The following MECOM variants were observed in gnomAD, a reference collection of about 807,000 sequenced individuals.
The protein encoded by MECOM is MDS1 and EVI1 complex locus, also known as histone-lysine N-methyltransferase MECOM.
In MECOM, 13 loss-of-function variants were observed where a neutral mutation model predicts 116.3. The observed-to-expected ratio is 0.11, with a 90% CI of 0.07 to 0.18. The LOEUF is 0.18. Among genes scored for constraint, MECOM ranks in the 10% least tolerant of loss-of-function variants. MECOM has a pLI of 1.00. For synonymous variants in MECOM, 528 were observed against 535.2 expected, an observed-to-expected ratio of 0.99 and a Z score of 0.19; for missense variants, 1,299 against 1,509.0, an observed-to-expected ratio of 0.86 and a Z score of 2.31.
chr3:169,327,977 T>C (rs1485641353), intron 2 of MECOM, among the ~76,000 whole-genome samples: 1 of 152,206 alleles, frequency 6.6e-6, no homozygotes, highest in Non-Finnish European at 1.5e-5. Flanking sequence ...CTCTACTTCC[T>C]GAATCAAAAG....
At chr3:169,319,779 C>T (rs1301636654) in intron 2 of MECOM, among the ~76,000 whole-genome samples, 2 of 152,182 alleles carry the variant, frequency 1.3e-5, no homozygotes, top group African/African-American at 4.8e-5. Context: ...ATGATACCTA[C>T]TTCAGAGGGT....
At chr3:169,358,937 T>G (rs1408018531) in intron 2 of MECOM, among the ~76,000 whole-genome samples, 1 of 151,758 alleles carries the variant, frequency 6.6e-6, no homozygotes, top group Non-Finnish European at 1.5e-5. Flanking sequence ...AATTCTAACA[T>G]CCTACTGTGG....
At chr3:169,398,400 C>T (rs1735336754) in intron 1 of MECOM, among the ~76,000 whole-genome samples, 1 of 152,170 alleles carries the variant, frequency 6.6e-6, no homozygotes, top group African/African-American at 2.4e-5. Context: ...ACATATCATA[C>T]ACTTGTTCAT....
intron 1 of MECOM, among the ~76,000 whole-genome samples, chr3:169,594,174 A>AC (rs1553894680): frequency 0.018 from 2,281 of 125,852 alleles, 141 homozygotes; most frequent in African/African-American, 0.053. Flanking sequence ...AAAAAAAAAA[A>AC]AACACCTTTT....
At chr3:169,581,207 A>C (rs562639330) in intron 1 of MECOM, among the ~76,000 whole-genome samples, 147 of 152,326 alleles carry the variant, frequency 9.7e-4, no homozygotes, top group African/African-American at 3.3e-3. Context: ...CTGATATTCC[A>C]TATTGTCCAA....
At chr3:169,147,327 G>A in intron 2 of MECOM, 3 of 985,478 alleles carry the variant, frequency 3.0e-6, no homozygotes, top group Non-Finnish European at 3.6e-6. Flanking sequence ...GGACCCTCAC[G>A]GGATCGTCCC....
chr3:169,471,448 A>ATGAAAGCG (rs148653039), intron 1 of MECOM, among the ~76,000 whole-genome samples: 2 of 62,440 alleles, frequency 3.2e-5, no homozygotes, highest in Non-Finnish European at 9.0e-5. Context: ...ATATATTTAA[A>ATGAAAGCG]TGAAAGCAGA....
chr3:169,398,147 T>C (rs1464799322), intron 1 of MECOM, among the ~76,000 whole-genome samples: 4 of 152,236 alleles, frequency 2.6e-5, no homozygotes, highest in Admixed American at 2.0e-4. Flanking sequence ...TGGCAGGCTA[T>C]TGTTTTTGTT....
At chr3:169,085,485 A>G (rs1488659886) in intron 16 of MECOM, among the ~76,000 whole-genome samples, 1 of 152,188 alleles carries the variant, frequency 6.6e-6, no homozygotes, top group Non-Finnish European at 1.5e-5. Flanking sequence ...CCTACACTTT[A>G]TAACCGAAAG....
At chr3:169,567,905 C>CA (rs1560442101) in intron 1 of MECOM, among the ~76,000 whole-genome samples, 1 of 151,842 alleles carries the variant, frequency 6.6e-6, no homozygotes, top group Non-Finnish European at 1.5e-5. Context: ...GAGTTAAATT[C>CA]AAAAAACAAA....
chr3:169,268,109 C>G (rs1758530033), intron 2 of MECOM, among the ~76,000 whole-genome samples: 1 of 152,124 alleles, frequency 6.6e-6, no homozygotes, highest in Non-Finnish European at 1.5e-5. Context: ...TCCAAACAAT[C>G]TTTCTCCATC....
In MECOM at chr3:169,440,548, G is replaced by T. The variant is rs541179406; in HGVS notation, c.38-59024C>A. ...TAAGGTGCTAGAAGGGTTGGGGATG[G>T]GGTGGGAGGAGGGAGTGGGGTTGGG... On this transcript the variant is annotated intron_variant, in intron 1 of 16. Transcript: ENST00000651503. 2.0e-5 allele frequency among the ~76,000 whole-genome samples: 3 copies of T among 151,854 alleles called. No homozygotes were observed. In the South Asian group the frequency reaches 6.3e-4, roughly 32 times the overall value.
At chr3:169,430,830 G>A (rs1177386008) in intron 1 of MECOM, among the ~76,000 whole-genome samples, 1 of 152,068 alleles carries the variant, frequency 6.6e-6, no homozygotes, top group African/African-American at 2.4e-5. Flanking sequence ...CAATACTTTA[G>A]GTTTACCTTT....
intron 1 of MECOM, among the ~76,000 whole-genome samples, chr3:169,430,634 T>C (rs1741463177): frequency 6.6e-6 from 1 of 152,182 alleles, no homozygotes; most frequent in South Asian, 2.1e-4. Flanking sequence ...TGTCCACAAG[T>C]CTATTTTCCC....
chr3:169,262,644 A>G (rs1757702583), intron 2 of MECOM, among the ~76,000 whole-genome samples: 1 of 152,056 alleles, frequency 6.6e-6, no homozygotes, highest in Non-Finnish European at 1.5e-5. Flanking sequence ...GAAGCCTTTT[A>G]TTGCAGTGGA....
chr3:169,458,316 G>A (rs988758023), intron 1 of MECOM, among the ~76,000 whole-genome samples: 1 of 152,142 alleles, frequency 6.6e-6, no homozygotes, highest in African/African-American at 2.4e-5. Flanking sequence ...CCTGCATTAA[G>A]CATATATAGC....
At chr3:169,487,225 G>C (rs1578241852) in intron 1 of MECOM, among the ~76,000 whole-genome samples, 2 of 152,198 alleles carry the variant, frequency 1.3e-5, no homozygotes, top group East Asian at 3.9e-4. Context: ...CGGAAGGAAG[G>C]AGTAGGATAC....
rs1351683135 is a variant in MECOM at position 169,618,143 on chromosome 3, TG to T, written c.37+45192del. Among the ~76,000 whole-genome samples the T allele has an allele frequency of 7.2e-5, 11 of 152,322 alleles. No homozygotes were observed. The East Asian group carries it at 1.9e-3, about 27-fold the overall frequency. On this transcript the variant is annotated intron_variant, in intron 1 of 16. Coordinates refer to ENST00000651503, the MANE Select transcript of MECOM (RefSeq NM_004991.4). Reference sequence around the variant, plus strand: ...TGCATCTAGTCCCAATATGGGGCCATGGCATATAGTTAATCCCATTTTAGAA... The same window carrying T: ...TGCATCTAGTCCCAATATGGGGCCATGCATATAGTTAATCCCATTTTAGAA...
chr3:169,521,271 G>A (rs1172624579), intron 1 of MECOM, among the ~76,000 whole-genome samples: 1 of 152,164 alleles, frequency 6.6e-6, no homozygotes, highest in East Asian at 1.9e-4. Context: ...TACAGCTTTT[G>A]AGACCCTGCA....
Sources: gnomAD v4.1 joint callset for allele counts (sites outside exome capture counted in the v4.1 genomes callset) on GRCh38, gnomAD v4.1.1 for gene constraint, MANE v1.5 for transcripts, NCBI Gene and HGNC (gene_info 2026-07-23, HGNC 2026-07-21) for gene names.